The following ZNF660 variants were observed in gnomAD, a reference collection of about 807,000 sequenced individuals.
ZNF660 encodes zinc finger protein 660.
ZNF660 carries 24 observed loss-of-function variants against 23.2 expected under a neutral mutation model. The ratio of observed to expected loss-of-function variants is 1.04; its 90% CI spans 0.75 to 1.46. The LOEUF (loss-of-function observed/expected upper bound fraction) is 1.46, where lower values mean the gene tolerates loss of function less well. Ranked by LOEUF, ZNF660 falls within the 40% of genes most tolerant of loss-of-function variation. The pLI is 0.00. For synonymous variants in ZNF660, 117 were observed against 131.4 expected, an observed-to-expected ratio of 0.89 and a Z score of 0.75; for missense variants, 373 against 396.8, an observed-to-expected ratio of 0.94 and a Z score of 0.51.
intron 2 of ZNF660, among the ~76,000 whole-genome samples, chr3:44,593,669 C>G (rs894353219): frequency 7.0e-6 from 1 of 142,306 alleles, no homozygotes; most frequent in Non-Finnish European, 1.5e-5. Flanking sequence ...GAGTCAAGAT[C>G]GTGCCATTGC....
rs996092424 is a variant in ZNF660 at position 44,595,853 on chromosome 3, GT to G, written c.*666del. Reference sequence around the variant, plus strand: ...CCCTTCCTTTTAGAGCGTGTTTCCTGTTAAGTAAAATCATAAACACCGATCC... The same window carrying G: ...CCCTTCCTTTTAGAGCGTGTTTCCTGTAAGTAAAATCATAAACACCGATCC... On this transcript the variant is annotated 3_prime_UTR_variant, in exon 3 of 3. Transcript: ENST00000322734. 6.6e-5 allele frequency: 11 copies of G among 167,054 alleles called. No individual in the cohort carries two copies. Among genetic ancestry groups the G allele is most frequent in the Admixed American group, 6.5e-4 (10 of 15,282 alleles). The allele number at this position is 167,054 out of a possible 1,614,324, so 10.3% of individuals were successfully genotyped here. A position where few individuals can be genotyped will look rare whatever the true frequency, so the allele number is the denominator to read the frequency against.
intron 2 of ZNF660, among the ~76,000 whole-genome samples, chr3:44,590,444 T>G (rs1170698879): frequency 6.6e-6 from 1 of 152,144 alleles, no homozygotes; most frequent in Non-Finnish European, 1.5e-5. Flanking sequence ...TTGTGTTTCT[T>G]TTTATAAGGA....
Position 44,594,644 on chromosome 3 carries a change from T to A in ZNF660, c.451T>A (p.Ser151Thr), listed in dbSNP as rs748080480. The A allele has an allele frequency of 3.1e-6, 5 of 1,612,330 alleles. No individual in the cohort carries two copies. Among genetic ancestry groups the A allele is most frequent in the Non-Finnish European group, 4.2e-6 (5 of 1,179,536 alleles). ...CTTTAGTCGGAGTTCGGGCCTTATA[T>A]CACATCACAGAGTTCACACCGGAGA... ...KAFSRSSGLI[S>T]HHRVHTGEKP... The change falls in exon 3 of 3, where the codon TCA becomes ACA. Residue 151 changes from serine (S) to threonine (T), a missense_variant. By Grantham distance (58) the Ser-to-Thr change is moderately conservative. Coordinates refer to ENST00000322734, the MANE Select transcript of ZNF660 (RefSeq NM_173658.4).
chr3:44,594,422 C>T lies in ZNF660; in HGVS notation c.229C>T (p.Pro77Ser), dbSNP rs1411499255. 2.5e-6 allele frequency: 4 copies of T among 1,613,228 alleles called. No homozygotes were observed. The highest frequency in any genetic ancestry group is 3.4e-6 in the Non-Finnish European group (4 of 1,179,866). Residue 77 changes from proline to serine, a missense_variant, in exon 3 of 3, where the codon CCC becomes TCC. Physicochemically the swap from Pro to Ser is moderately conservative, Grantham distance 74 (BLOSUM62 -1). Coordinates refer to ENST00000322734, the MANE Select transcript of ZNF660 (RefSeq NM_173658.4). Reference protein sequence around the residue: ...VHERIHTGEKPYKCKECGKAF... With the variant: ...VHERIHTGEKSYKCKECGKAF... Reference sequence around the variant, plus strand: ...TGAGCGAATCCACACGGGAGAGAAACCCTATAAGTGTAAGGAGTGTGGAAA... The same window carrying T: ...TGAGCGAATCCACACGGGAGAGAAATCCTATAAGTGTAAGGAGTGTGGAAA...
Position 44,594,107 on chromosome 3 carries a change from A to G in ZNF660, c.-87A>G, listed in dbSNP as rs2125753236. ...ACTTTCAAGAGAATTCCACAGAGAC[A>G]TTGCCCAGGAAGTCAAAATTTAGAA... On this transcript the variant is annotated 5_prime_UTR_variant, in exon 3 of 3. Coordinates refer to ENST00000322734, the MANE Select transcript of ZNF660 (RefSeq NM_173658.4). 1 of 1,516,298 alleles carries G rather than the reference A, an allele frequency of 6.6e-7. No homozygotes were observed. The highest frequency in any genetic ancestry group is 1.1e-5 in the South Asian group (1 of 87,112). 93.9% of individuals were successfully genotyped at this position (1,516,298 alleles called of 1,614,324 possible).
At chr3:44,585,192 G>GTC (rs938404293) in intron 1 of ZNF660, among the ~76,000 whole-genome samples, 185 bp downstream of exon 1, 21 of 152,160 alleles carry the variant, frequency 1.4e-4, no homozygotes, top group South Asian at 6.2e-4. Context: ...CTTGGGTCCA[G>GTC]TCTCTGACTC....
At position 44,585,252 on chromosome 3, in the gene ZNF660, C is replaced by G. The variant is rs1046799121; in HGVS notation, c.-290+245C>G. 2.6e-5 allele frequency among the ~76,000 whole-genome samples: 4 copies of G among 152,290 alleles called. No homozygotes were observed. In the East Asian group the frequency reaches 5.8e-4, roughly 22 times the overall value. On this transcript the variant is annotated intron_variant, in intron 1 of 2. Coordinates refer to ENST00000322734, the MANE Select transcript of ZNF660 (RefSeq NM_173658.4). ...GCTGGCCGTGGTGACAGCACTGTGT[C>G]GTCCCCGCTCCTAGGCAGTGGGCCT...
In ZNF660 at chr3:44,595,249, T is replaced by G. The variant is rs1201899474; in HGVS notation, c.*60T>G. 1 of 1,476,452 alleles carries G rather than the reference T, an allele frequency of 6.8e-7. No individual in the cohort carries two copies. The highest frequency in any genetic ancestry group is 1.4e-5 in the African/African-American group (1 of 71,068). The allele number at this position is 1,476,452 out of a possible 1,614,324, so 91.5% of individuals were successfully genotyped here. On this transcript the variant is annotated 3_prime_UTR_variant, in exon 3 of 3. Coordinates refer to ENST00000322734, the MANE Select transcript of ZNF660 (RefSeq NM_173658.4). ...GCTTTTCTAAAAAGTAGTTCTTTAG[T>G]ATCAACTTTAATTCTACTTCTAAGA... is the stretch of plus-strand genomic sequence containing the variant.
At position 44,598,142 on chromosome 3, in the gene ZNF660, CT is replaced by C. The variant is rs57347534; in HGVS notation, c.*2969del. On this transcript the variant is annotated 3_prime_UTR_variant, in exon 3 of 3. Transcript: ENST00000322734. Reference sequence around the variant, plus strand: ...CTTTTTCTTTCTTTTCTTTTCTTTTCTTTTTTTTTTTTTTTTGAGATGGAAT... The same window carrying C: ...CTTTTTCTTTCTTTTCTTTTCTTTTCTTTTTTTTTTTTTTTGAGATGGAAT... 3,658 of 97,126 alleles carry C rather than the reference CT, an allele frequency of 0.038. 57 individuals carry two copies. The highest frequency in any genetic ancestry group is 0.1 in the African/African-American group (2,454 of 24,238). 6.0% of individuals were successfully genotyped at this position (97,126 alleles called of 1,614,324 possible). A position where few individuals can be genotyped will look rare whatever the true frequency, so the allele number is the denominator to read the frequency against.
chr3:44,592,839 G>A (rs1475253392), intron 2 of ZNF660, among the ~76,000 whole-genome samples: 2 of 152,066 alleles, frequency 1.3e-5, no homozygotes, highest in Non-Finnish European at 2.9e-5. Context: ...GGATCACGAG[G>A]TCAGGAGATC....
At chr3:44,589,905 A>G (rs1700357336) in intron 2 of ZNF660, among the ~76,000 whole-genome samples, 1 of 150,762 alleles carries the variant, frequency 6.6e-6, no homozygotes, top group Non-Finnish European at 1.5e-5. Flanking sequence ...GCCTACATGA[A>G]GTTTATATAA....
In ZNF660 at chr3:44,595,641, T is replaced by C. The variant is rs1397059194; in HGVS notation, c.*452T>C. The C allele has an allele frequency of 5.9e-6, 1 of 168,700 alleles. No homozygotes were observed. The highest frequency in any genetic ancestry group is 1.9e-4 in the East Asian group (1 of 5,222). 10.5% of individuals were successfully genotyped at this position (168,700 alleles called of 1,614,324 possible). A position where few individuals can be genotyped will look rare whatever the true frequency, so the allele number is the denominator to read the frequency against. ...CTTCTGTATACTTTTCTATGCTTTC[T>C]AGATTATCTACATGAGAATATACTA... On this transcript the variant is annotated 3_prime_UTR_variant, in exon 3 of 3. Coordinates refer to ENST00000322734, the MANE Select transcript of ZNF660 (RefSeq NM_173658.4).
chr3:44,594,423 C>T lies in ZNF660; in HGVS notation c.230C>T (p.Pro77Leu). The change falls in exon 3 of 3, where the codon CCC (proline) becomes CTC (leucine). Residue 77 changes from proline to leucine, a missense_variant. Transcript: ENST00000322734. ...GAGCGAATCCACACGGGAGAGAAAC[C>T]CTATAAGTGTAAGGAGTGTGGAAAA... ...VHERIHTGEK[P>L]YKCKECGKAF... 2 of 1,613,428 alleles carry T rather than the reference C, an allele frequency of 1.2e-6. No homozygotes were observed. Among genetic ancestry groups the T allele is most frequent in the Non-Finnish European group, 1.7e-6 (2 of 1,179,830 alleles).
chr3:44,591,059 C>T (rs1326132898), intron 2 of ZNF660, among the ~76,000 whole-genome samples: 1 of 152,192 alleles, frequency 6.6e-6, no homozygotes, highest in Non-Finnish European at 1.5e-5. Flanking sequence ...TCTCGAGTGC[C>T]ACCATTTGCT....
At position 44,595,087 on chromosome 3, in the gene ZNF660, G is replaced by A; in HGVS notation, c.894G>A (p.Lys298=). Residue 298 remains lysine (K), a synonymous_variant, in exon 3 of 3, where the codon AAG becomes AAA. Transcript: ENST00000322734. ...TTCTACACTTGAGAACCCACACTAA[G>A]GAGAAACCCTATAAATGTAGTGAGT... ...QVILHLRTHT[K]EKPYKCSECG... The A allele has an allele frequency of 6.2e-7, 1 of 1,612,896 alleles. No individual in the cohort carries two copies. The highest frequency in any genetic ancestry group is 8.5e-7 in the Non-Finnish European group (1 of 1,179,618).
At chr3:44,593,959 C>T (rs1379357539) in intron 2 of ZNF660, 55 bp from the exon 3 acceptor site, 4 of 624,156 alleles carry the variant, frequency 6.4e-6, no homozygotes, top group Non-Finnish European at 1.2e-5. Context: ...GGATAGATCT[C>T]CTTCCTCTGG....
At position 44,595,104 on chromosome 3, in the gene ZNF660, G is replaced by T. The variant is rs1415847533; in HGVS notation, c.911G>T (p.Cys304Phe). The T allele has an allele frequency of 6.2e-7, 1 of 1,613,958 alleles. No homozygotes were observed. ...CACACTAAGGAGAAACCCTATAAATGTAGTGAGTGTGGGAAAGCCTATCGG... is the reference window on the plus strand; with the variant it reads ...CACACTAAGGAGAAACCCTATAAATTTAGTGAGTGTGGGAAAGCCTATCGG... ...RTHTKEKPYK[C>F]SECGKAYRYS... is the part of the protein sequence containing the mutation. The change falls in exon 3 of 3, where the codon TGT becomes TTT. Residue 304 changes from cysteine to phenylalanine, a missense_variant. Cys to Phe is a radical substitution (Grantham distance 205). Transcript: ENST00000322734.
chr3:44,591,335 C>CCCTG (rs1458047013), intron 2 of ZNF660, among the ~76,000 whole-genome samples: 3 of 152,246 alleles, frequency 2.0e-5, no homozygotes, highest in African/African-American at 7.2e-5. Flanking sequence ...CCCTGTCTTA[C>CCCTG]CCTGGCTGGT....
rs538359928 is a variant in ZNF660 at position 44,596,591 on chromosome 3, A to G, written c.*1402A>G. The G allele has an allele frequency of 7.2e-5, 11 of 152,308 alleles. No homozygotes were observed. The highest frequency in any genetic ancestry group is 2.6e-4 in the African/African-American group (11 of 41,560). The allele number at this position is 152,308 out of a possible 1,614,324, so 9.4% of individuals were successfully genotyped here. On this transcript the variant is annotated 3_prime_UTR_variant, in exon 3 of 3. Coordinates refer to ENST00000322734, the MANE Select transcript of ZNF660 (RefSeq NM_173658.4). The stretch of plus-strand genomic sequence containing the variant: ...AAGCAGTGCTATGTTTGGTTTGGCA[A>G]CTCAGCACTTCATCACACTTCTCTC...
Sources: allele counts gnomAD v4.1 joint callset (sites outside exome capture counted in the v4.1 genomes callset), GRCh38; gene constraint gnomAD v4.1.1; transcripts MANE v1.5; gene names NCBI Gene and HGNC (gene_info 2026-07-23, HGNC 2026-07-21).